KLF12: variants seen among roughly 807,000 people sequenced by gnomAD.
The protein encoded by KLF12 is KLF transcription factor 12, also known as Krueppel-like factor 12.
KLF12 carries 9 observed loss-of-function variants against 37.8 expected under a neutral mutation model. That is an observed-to-expected ratio of 0.24 (90% CI 0.14 to 0.42). KLF12 has a LOEUF of 0.42. KLF12 is among the 10% of genes least tolerant of loss of function. KLF12 has a pLI of 1.00. For missense variants in KLF12, 411 were observed against 516.0 expected (o/e 0.80, Z 1.97); for synonymous variants, 208 against 202.1 (o/e 1.03, Z -0.25).
the KLF12 span, among the ~76,000 whole-genome samples, chr13:74,154,646 A>G: frequency 0.051 from 6,079 of 118,986 alleles, 163 homozygotes; most frequent in Middle Eastern, 0.12. Context: ...GTGGAAAATG[A>G]TGTACAGGAC....
chr13:74,135,664 C>T (rs1386813224), upstream of KLF12, among the ~76,000 whole-genome samples: 2 of 151,800 alleles, frequency 1.3e-5, no homozygotes, highest in Non-Finnish European at 2.9e-5. Flanking sequence ...CCTAGGTGAG[C>T]GCGGCGCTCC....
intron 6 of KLF12, among the ~76,000 whole-genome samples, chr13:73,725,071 A>G (rs756743392): frequency 6.6e-6 from 1 of 152,192 alleles, no homozygotes; most frequent in Non-Finnish European, 1.5e-5. Flanking sequence ...TTTGAAACAC[A>G]AAACTACAAG....
At chr13:74,012,466 C>CATTTTG (rs1433545948) in intron 1 of KLF12, among the ~76,000 whole-genome samples, 2 of 152,166 alleles carry the variant, frequency 1.3e-5, no homozygotes, top group Non-Finnish European at 2.9e-5. Flanking sequence ...TAAAATGTCA[C>CATTTTG]CTATTTTATA....
At chr13:74,193,262 G>T in the KLF12 span, among the ~76,000 whole-genome samples, 1 of 152,134 alleles carries the variant, frequency 6.6e-6, no homozygotes, top group Non-Finnish European at 1.5e-5. Flanking sequence ...TTACAGGTGT[G>T]AGCCACAGTG....
chr13:73,798,006 A>C lies in KLF12; in HGVS notation c.806+15146T>G, dbSNP rs539314481. Among the ~76,000 whole-genome samples the C allele has an allele frequency of 2.0e-5, 3 of 152,266 alleles. No homozygotes were observed. The South Asian group carries it at 6.2e-4, about 32-fold the overall frequency. On this transcript the variant is annotated intron_variant, in intron 5 of 7. Transcript: ENST00000377669. ...ATTTACCATATAATCCCTTTAAACC[A>C]TTATATTGATTTCTAATATGCAGCA... is the stretch of plus-strand genomic sequence containing the variant.
intron 7 of KLF12, among the ~76,000 whole-genome samples, chr13:73,711,316 A>G (rs1374619257): frequency 6.6e-6 from 1 of 152,254 alleles, no homozygotes; most frequent in African/African-American, 2.4e-5. Flanking sequence ...TTTTCAATGT[A>G]GATGATATAC....
At chr13:73,812,903 G>A (rs920254742) in intron 5 of KLF12, 3 of 357,134 alleles carry the variant, frequency 8.4e-6, no homozygotes, top group South Asian at 1.3e-4. Context: ...TCAGGAGAAG[G>A]GTGCAGGAGG....
At chr13:73,777,254 A>G (rs750586387) in intron 5 of KLF12, among the ~76,000 whole-genome samples, 1 of 152,208 alleles carries the variant, frequency 6.6e-6, no homozygotes, top group Non-Finnish European at 1.5e-5. Context: ...TGATTGGTTG[A>G]GTGCATGACT....
intron 3 of KLF12, among the ~76,000 whole-genome samples, chr13:73,918,043 TAC>T (rs1401751872): frequency 2.0e-5 from 3 of 151,812 alleles, no homozygotes; most frequent in African/African-American, 7.3e-5. Flanking sequence ...TATACACACG[TAC>T]ACATATATAC....
At chr13:74,260,613 TAAA>T in the KLF12 span, among the ~76,000 whole-genome samples, 1 of 110,560 alleles carries the variant, frequency 9.0e-6, no homozygotes, top group African/African-American at 5.8e-5. Context: ...TAAAATAAAA[TAAA>T]ATAAAATAAA....
At chr13:73,841,938 T>G (rs902919640) in intron 4 of KLF12, among the ~76,000 whole-genome samples, 29 of 152,184 alleles carry the variant, frequency 1.9e-4, no homozygotes, top group Admixed American at 6.5e-4. Context: ...TTCTAGGACA[T>G]CATTCCATTT....
intron 1 of KLF12, among the ~76,000 whole-genome samples, chr13:74,071,431 C>T (rs192688177): frequency 3.9e-5 from 6 of 152,034 alleles, no homozygotes; most frequent in African/African-American, 1.4e-4. Flanking sequence ...TTCCACCTGT[C>T]ATCCCAGCAC....
intron 1 of KLF12, among the ~76,000 whole-genome samples, chr13:74,028,964 A>G (rs976961441): frequency 6.6e-6 from 1 of 152,142 alleles, no homozygotes; most frequent in African/African-American, 2.4e-5. Flanking sequence ...ACCATTGAGT[A>G]CTAACTTCCA....
intron 4 of KLF12, among the ~76,000 whole-genome samples, chr13:73,816,511 T>C (rs1883229461): frequency 6.6e-6 from 1 of 152,236 alleles, no homozygotes. Flanking sequence ...TCATTCCATG[T>C]GTCAAAATCC....
the KLF12 span, among the ~76,000 whole-genome samples, chr13:74,239,093 C>T: frequency 1.4e-5 from 2 of 143,742 alleles, no homozygotes; most frequent in African/African-American, 5.2e-5. Flanking sequence ...TATAAATTTC[C>T]CTCTACACAC....
chr13:74,082,436 G>T (rs1489997640), intron 1 of KLF12, among the ~76,000 whole-genome samples: 1 of 152,120 alleles, frequency 6.6e-6, no homozygotes, highest in East Asian at 1.9e-4. Context: ...AAGAGATTAT[G>T]TGATATTAAA....
the KLF12 span, among the ~76,000 whole-genome samples, chr13:74,142,770 T>C: frequency 6.6e-6 from 1 of 152,088 alleles, no homozygotes; most frequent in East Asian, 1.9e-4. Context: ...TCAAGAAAAA[T>C]AATCTAAAGG....
intron 7 of KLF12, among the ~76,000 whole-genome samples, chr13:73,696,993 T>C (rs181863744): frequency 2.0e-5 from 3 of 152,192 alleles, no homozygotes; most frequent in East Asian, 1.9e-4. Context: ...TTCCGAATAC[T>C]TGGAGATCTG....
At chr13:73,931,613 G>C (rs1889682816) in intron 3 of KLF12, among the ~76,000 whole-genome samples, 1 of 152,116 alleles carries the variant, frequency 6.6e-6, no homozygotes, top group Non-Finnish European at 1.5e-5. Flanking sequence ...CATCCATTAA[G>C]GGTTTTGATG....
Sources: gnomAD v4.1 joint callset for allele counts (sites outside exome capture counted in the v4.1 genomes callset) on GRCh38, gnomAD v4.1.1 for gene constraint, MANE v1.5 for transcripts, NCBI Gene and HGNC (gene_info 2026-07-23, HGNC 2026-07-21) for gene names.